MED13L: variants seen among roughly 807,000 people sequenced by gnomAD.
MED13L encodes mediator complex subunit 13L.
A neutral mutation model predicts 220.9 loss-of-function variants in MED13L; 7 were observed. The observed-to-expected ratio is 0.03, with a 90% CI of 0.02 to 0.06. The LOEUF is 0.06. Among genes scored for constraint, MED13L ranks in the 10% least tolerant of loss-of-function variants. The pLI, the probability that MED13L is intolerant of heterozygous loss-of-function variation, is 1.00. For synonymous variants in MED13L, 1,011 were observed against 1,015.2 expected (o/e 1.00, Z 0.08); for missense variants, 1,965 against 2,760.5 (o/e 0.71, Z 6.46).
intron 4 of MED13L, among the ~76,000 whole-genome samples, chr12:116,050,713 G>T (rs1222931651): frequency 3.9e-5 from 6 of 152,114 alleles, no homozygotes; most frequent in African/African-American, 1.4e-4. Context: ...AAGGAGGGTG[G>T]ATCACATGAG....
intron 22 of MED13L, among the ~76,000 whole-genome samples, chr12:115,981,302 C>A (rs1209976970): frequency 2.0e-5 from 3 of 152,144 alleles, no homozygotes; most frequent in Admixed American, 2.0e-4. Flanking sequence ...GTGTGTATGG[C>A]ATTTTTTGGA....
chr12:116,012,892 T>G lies in MED13L; in HGVS notation c.1185A>C (p.Gln395His), dbSNP rs374884525. Residue 395 changes from glutamine to histidine, a missense_variant, in exon 9 of 31, where the codon CAA becomes CAC. Coordinates refer to ENST00000281928, the MANE Select transcript of MED13L (RefSeq NM_015335.5). Reference protein sequence around the residue: ...ILNRTQSKRSQMSTPTLEEEP... With the variant: ...ILNRTQSKRSHMSTPTLEEEP... Reference sequence around the variant, plus strand: ...CTTCTTCAAGAGTTGGAGTTGACATTTGGCTCCTCCTAAAAGGGTTAAAAA... The same window carrying G: ...CTTCTTCAAGAGTTGGAGTTGACATGTGGCTCCTCCTAAAAGGGTTAAAAA... 1.3e-5 allele frequency: 21 copies of G among 1,613,200 alleles called. No individual in the cohort carries two copies. In the African/African-American group the frequency reaches 2.0e-4, roughly 15 times the overall value.
intron 4 of MED13L, among the ~76,000 whole-genome samples, chr12:116,088,203 C>T (rs1158186667): frequency 6.6e-6 from 1 of 152,032 alleles, no homozygotes; most frequent in Non-Finnish European, 1.5e-5. Context: ...CAGACTGAAC[C>T]ACAACAGCTA....
intron 1 of MED13L, among the ~76,000 whole-genome samples, chr12:116,267,035 T>C (rs1056141034): frequency 6.6e-6 from 1 of 152,232 alleles, no homozygotes; most frequent in Non-Finnish European, 1.5e-5. Flanking sequence ...TATTAAGTAC[T>C]ATTCCTGACA....
chr12:116,181,736 C>G (rs1014675032), intron 2 of MED13L, among the ~76,000 whole-genome samples: 1 of 152,052 alleles, frequency 6.6e-6, no homozygotes, highest in African/African-American at 2.4e-5. Flanking sequence ...AACTCCTGAC[C>G]TTAGGTGATC....
Position 115,983,495 on chromosome 12 carries a change from G to C in MED13L, c.4577C>G (p.Pro1526Arg). ...TGCTGGTGGGGTCTGGTATTTAGGT[G>C]GTATCAATAGGCTGCTATCAAGCTG... ...TLQLDSSLLIPPKYQTPPAAA... is the reference protein window; with the variant it reads ...TLQLDSSLLIRPKYQTPPAAA... Residue 1526 changes from proline (P) to arginine (R), a missense_variant, in exon 21 of 31, where the codon CCA (proline) becomes CGA (arginine). Transcript: ENST00000281928. 6.2e-7 allele frequency: 1 copy of C among 1,614,148 alleles called. No individual in the cohort carries two copies. The highest frequency in any genetic ancestry group is 8.5e-7 in the Non-Finnish European group (1 of 1,180,016).
intron 4 of MED13L, among the ~76,000 whole-genome samples, chr12:116,082,145 A>T (rs901454024): frequency 2.6e-5 from 4 of 152,224 alleles, no homozygotes. Flanking sequence ...AAATATAGAG[A>T]TAACAACTTA....
chr12:116,244,194 C>A (rs1344301904), intron 1 of MED13L, among the ~76,000 whole-genome samples: 1 of 152,142 alleles, frequency 6.6e-6, no homozygotes, highest in Admixed American at 6.5e-5. Flanking sequence ...AGGGTTACCA[C>A]TGCAGTAGAG....
chr12:116,242,048 C>CTTTTTTTTTT (rs767214989), intron 1 of MED13L, among the ~76,000 whole-genome samples: 2 of 106,650 alleles, frequency 1.9e-5, no homozygotes, highest in Non-Finnish European at 3.8e-5. Context: ...GTTCTTTTGT[C>CTTTTTTTTTT]TTTTTTTTTT....
intron 29 of MED13L, among the ~76,000 whole-genome samples, chr12:115,964,365 A>G (rs1003074301): frequency 6.6e-6 from 1 of 152,220 alleles, no homozygotes; most frequent in Non-Finnish European, 1.5e-5. Flanking sequence ...AAATGATTAA[A>G]GGCATGAAAT....
intron 1 of MED13L, among the ~76,000 whole-genome samples, chr12:116,257,767 T>C (rs2138543926): frequency 6.6e-6 from 1 of 152,370 alleles, no homozygotes. Context: ...GTGATCATTT[T>C]TATTTTTTAG....
chr12:116,221,067 A>G (rs149772906), intron 2 of MED13L, among the ~76,000 whole-genome samples: 205 of 152,194 alleles, frequency 1.3e-3, no homozygotes, highest in African/African-American at 4.5e-3. Flanking sequence ...TAATAAACAC[A>G]AAAGAAAGTA....
intron 2 of MED13L, among the ~76,000 whole-genome samples, chr12:116,234,847 AACAC>A (rs1338423535): frequency 1.3e-5 from 2 of 150,622 alleles, no homozygotes; most frequent in Non-Finnish European, 3.0e-5. Flanking sequence ...ATTTTTTGTA[AACAC>A]AGGGTTTCAC....
rs1311388209 is a variant in MED13L at position 115,991,375 on chromosome 12, A to C, written c.3579T>G (p.Ile1193Met). The change falls in exon 17 of 31, where the codon ATT becomes ATG. Residue 1193 changes from isoleucine (I) to methionine (M), a missense_variant. Physicochemically the swap from Ile to Met is conservative, Grantham distance 10 (BLOSUM62 1). Coordinates refer to ENST00000281928, the MANE Select transcript of MED13L (RefSeq NM_015335.5). This position sits in a 1 kb window ranked among gnomAD's most constrained non-coding sequence, Gnocchi z 7.7. The stretch of plus-strand genomic sequence containing the variant: ...TTAAGCGCCTCTCTGCAGCCTGACC[A>C]ATATCAGAATTCTTCCCAAAAATAT... ...ELDIFGKNSD[I>M]GQAAERRLMM... The C allele has an allele frequency of 6.2e-7, 1 of 1,614,020 alleles. No homozygotes were observed. The highest frequency in any genetic ancestry group is 8.5e-7 in the Non-Finnish European group (1 of 1,180,028).
At chr12:116,099,985 A>G (rs1020153589) in intron 3 of MED13L, among the ~76,000 whole-genome samples, 3 of 152,204 alleles carry the variant, frequency 2.0e-5, no homozygotes, top group Non-Finnish European at 4.4e-5. Flanking sequence ...ATGATTTTTC[A>G]TTTGCTAATG....
At chr12:116,037,451 C>T (rs968789345) in intron 4 of MED13L, among the ~76,000 whole-genome samples, 16 of 152,160 alleles carry the variant, frequency 1.1e-4, no homozygotes, top group African/African-American at 3.6e-4. Flanking sequence ...CAAGATAACT[C>T]ATTTTGTATA....
chr12:116,038,191 A>G (rs1881302044), intron 4 of MED13L, among the ~76,000 whole-genome samples: 1 of 150,594 alleles, frequency 6.6e-6, no homozygotes, highest in Admixed American at 6.6e-5. Context: ...TTTTTTAAAT[A>G]TAAAACCTTT....
chr12:116,183,947 T>C (rs1880712761), intron 2 of MED13L, among the ~76,000 whole-genome samples: 1 of 152,098 alleles, frequency 6.6e-6, no homozygotes, highest in Admixed American at 6.6e-5. Context: ...TTCTGAGGTT[T>C]GTACATTACA....
intron 4 of MED13L, among the ~76,000 whole-genome samples, chr12:116,089,363 C>T (rs1011886109): frequency 6.6e-6 from 1 of 152,100 alleles, no homozygotes; most frequent in Non-Finnish European, 1.5e-5. Context: ...CGGCGATTTT[C>T]ACTAAGTCTT....
Sources: gnomAD v4.1 joint callset for allele counts (sites outside exome capture counted in the v4.1 genomes callset) on GRCh38, gnomAD v4.1.1 for gene constraint, Gnocchi (gnomAD v3.1) non-coding constraint, MANE v1.5 for transcripts, NCBI Gene and HGNC (gene_info 2026-07-23, HGNC 2026-07-21) for gene names.